Variants in TESC observed in about 807,000 individuals in gnomAD.
The protein encoded by TESC is calcineurin B homologous protein 3.
In TESC, 19 loss-of-function variants were observed where a neutral mutation model predicts 31.0. The observed-to-expected ratio is 0.61, with a 90% confidence interval of 0.43 to 0.90. The LOEUF (loss-of-function observed/expected upper bound fraction) is 0.90. Among genes scored for constraint, TESC ranks in the 40% least tolerant of loss-of-function variants. The probability of loss-of-function intolerance (pLI) is 0.00; values close to 1 mark genes in which losing one functional copy is unlikely to be tolerated. For synonymous variants in TESC, 109 were observed against 114.8 expected, an observed-to-expected ratio of 0.95 and a Z score of 0.32; for missense variants, 248 against 303.8, an observed-to-expected ratio of 0.82 and a Z score of 1.36.
chr12:117,076,101 G>GC (rs1245204523), intron 1 of TESC, among the ~76,000 whole-genome samples: 1 of 150,540 alleles, frequency 6.6e-6, no homozygotes, highest in Non-Finnish European at 1.5e-5. Flanking sequence ...GCAGGCATGA[G>GC]CCACCACGCC....
intron 1 of TESC, among the ~76,000 whole-genome samples, chr12:117,097,562 T>C (rs565729887): frequency 6.6e-6 from 1 of 152,282 alleles, no homozygotes; most frequent in Non-Finnish European, 1.5e-5. Context: ...TGAGAAATAA[T>C]AAAAGCAGAG....
intron 2 of TESC, among the ~76,000 whole-genome samples, chr12:117,058,447 A>G (rs1013937474): frequency 3.3e-5 from 5 of 151,482 alleles, no homozygotes; most frequent in African/African-American, 1.2e-4. Flanking sequence ...AGTGATGAAT[A>G]TGTTCTAATA....
intron 1 of TESC, among the ~76,000 whole-genome samples, chr12:117,093,142 T>TA (rs1955338117): frequency 6.6e-6 from 1 of 152,204 alleles, no homozygotes; most frequent in African/African-American, 2.4e-5. Context: ...ATGCTACAGT[T>TA]GTTGGGGTGC....
chr12:117,046,297 G>A (rs770463671), intron 6 of TESC, among the ~76,000 whole-genome samples: 36 of 152,170 alleles, frequency 2.4e-4, no homozygotes, highest in Non-Finnish European at 4.7e-4. Context: ...GGGGGATCAG[G>A]GGGCTATGCA....
At chr12:117,040,107 G>T (rs1039979260) in intron 7 of TESC, among the ~76,000 whole-genome samples, 2 of 152,246 alleles carry the variant, frequency 1.3e-5, no homozygotes, top group Non-Finnish European at 2.9e-5. Flanking sequence ...GGTAACGGGG[G>T]AAAGTCAGAG....
chr12:117,083,493 G>A (rs368205602), intron 1 of TESC, among the ~76,000 whole-genome samples: 17 of 151,658 alleles, frequency 1.1e-4, no homozygotes, highest in South Asian at 4.1e-4. Context: ...CAATCCAAAC[G>A]TCCATCAACA....
chr12:117,069,865 T>C (rs1954940443), intron 2 of TESC, among the ~76,000 whole-genome samples: 1 of 152,260 alleles, frequency 6.6e-6, no homozygotes. Flanking sequence ...CCTGTGGTTC[T>C]GAATGATCAT....
intron 4 of TESC, among the ~76,000 whole-genome samples, chr12:117,048,504 C>T (rs1954600330): frequency 2.0e-5 from 3 of 152,112 alleles, no homozygotes; most frequent in Admixed American, 2.0e-4. Context: ...CCAGCTGGGA[C>T]CACAACTGAA....
intron 2 of TESC, among the ~76,000 whole-genome samples, chr12:117,064,315 TCTC>T (rs1236466573): frequency 1.3e-5 from 2 of 152,134 alleles, no homozygotes; most frequent in African/African-American, 4.8e-5. Flanking sequence ...GCTAGGCAAT[TCTC>T]CTATCCACAT....
chr12:117,079,774 TAG>T (rs944504697), intron 1 of TESC, among the ~76,000 whole-genome samples: 6 of 152,102 alleles, frequency 3.9e-5, no homozygotes, highest in African/African-American at 1.4e-4. Flanking sequence ...GAGTTTCTTT[TAG>T]AGAGAGATAA....
At chr12:117,061,650 GCTCTCT>G (rs149959116) in intron 2 of TESC, among the ~76,000 whole-genome samples, 30 of 150,714 alleles carry the variant, frequency 2.0e-4, no homozygotes, top group African/African-American at 7.1e-4. Flanking sequence ...CGCTGCCTCT[GCTCTCT>G]CTCTCTCTCT....
At chr12:117,098,342 G>GCAGGGTTCACAGC (rs1433302832) in intron 1 of TESC, 1 of 152,424 alleles carries the variant, frequency 6.6e-6, no homozygotes, top group Non-Finnish European at 1.5e-5. Flanking sequence ...AGTGCAGCTG[G>GCAGGGTTCACAGC]CAGGGTTCAC....
chr12:117,081,233 C>A (rs1955143253), intron 1 of TESC, among the ~76,000 whole-genome samples: 1 of 152,156 alleles, frequency 6.6e-6, no homozygotes, highest in Non-Finnish European at 1.5e-5. Flanking sequence ...AACCACACAC[C>A]AGCCTGCCAA....
intron 1 of TESC, among the ~76,000 whole-genome samples, chr12:117,097,749 G>A (rs1371937240): frequency 2.0e-5 from 3 of 151,808 alleles, no homozygotes; most frequent in Non-Finnish European, 2.9e-5. Context: ...CACTCCCCCC[G>A]CAACCCCCAC....
intron 6 of TESC, among the ~76,000 whole-genome samples, chr12:117,043,161 G>C (rs1379035422): frequency 1.3e-5 from 2 of 152,012 alleles, no homozygotes; most frequent in African/African-American, 2.4e-5. Context: ...GGGTGTGTGG[G>C]GTCATACGGA....
rs1463628130 is a variant in TESC, at chr12:117,075,900, T to A, written c.59-560A>T. Reference sequence around the variant, plus strand: ...GTATATATATATATATATATATATATATATATATATATATGTGTGTGTGTA... The same window carrying A: ...GTATATATATATATATATATATATAAATATATATATATATGTGTGTGTGTA... On this transcript the variant is annotated intron_variant, in intron 1 of 7. Transcript: ENST00000335209. Among the ~76,000 whole-genome samples the A allele has an allele frequency of 1.4e-3, 127 of 91,214 alleles. 4 individuals carry two copies. Among genetic ancestry groups the A allele is most frequent in the Non-Finnish European group, 2.2e-3 (112 of 50,912 alleles). 59.8% of individuals were successfully genotyped at this position (91,214 alleles called of 152,430 possible). A position where few individuals can be genotyped will look rare whatever the true frequency, so the allele number is the denominator to read the frequency against.
chr12:117,039,114 C>A lies in TESC; in HGVS notation c.*19G>T, dbSNP rs1016231742. 6.8e-6 allele frequency: 11 copies of A among 1,613,110 alleles called. No homozygotes were observed. Among genetic ancestry groups the A allele is most frequent in the Non-Finnish European group, 9.3e-6 (11 of 1,179,620 alleles). ...GGCCCCATTGCAAAGTGCAGTTTCT[C>A]CGCGGAGGTGGCGGTGGGTCAGTGG... is the stretch of plus-strand genomic sequence containing the variant. On this transcript the variant is annotated 3_prime_UTR_variant, in exon 8 of 8. Coordinates refer to ENST00000335209, the MANE Select transcript of TESC (RefSeq NM_017899.4).
intron 1 of TESC, among the ~76,000 whole-genome samples, chr12:117,084,586 G>A (rs1955191195): frequency 6.6e-6 from 1 of 152,236 alleles, no homozygotes; most frequent in African/African-American, 2.4e-5. Context: ...CTGCTGTGCT[G>A]AGCAAGGCAT....
rs11068333 is a variant in TESC at position 117,098,170 on chromosome 12, T to C, written c.58+1055A>G. Among the ~76,000 whole-genome samples, 1,219 of 152,358 alleles carry C rather than the reference T, an allele frequency of 8.0e-3. 18 individuals carry two copies. The highest frequency in any genetic ancestry group is 0.028 in the African/African-American group (1,149 of 41,580). On this transcript the variant is annotated intron_variant, in intron 1 of 7. Transcript: ENST00000335209. ...TTGGTGATCAATACTGGACGCTGGTTCTCTGCACTTGAAGCAGGTGCCAGG... is the reference window on the plus strand; with the variant it reads ...TTGGTGATCAATACTGGACGCTGGTCCTCTGCACTTGAAGCAGGTGCCAGG...
Sources: gnomAD v4.1 joint callset for allele counts (sites outside exome capture counted in the v4.1 genomes callset) on GRCh38, gnomAD v4.1.1 for gene constraint, MANE v1.5 for transcripts, NCBI Gene and HGNC (gene_info 2026-07-23, HGNC 2026-07-21) for gene names.